The following NRCAM variants were observed in gnomAD, a reference collection of about 807,000 sequenced individuals.
NRCAM encodes the protein NgCAM-related cell adhesion molecule.
NRCAM carries 83 observed loss-of-function variants against 156.5 expected under a neutral mutation model. That is an observed-to-expected ratio of 0.53 (90% CI 0.44 to 0.64). NRCAM has a LOEUF of 0.64. Among genes scored for constraint, NRCAM ranks in the 30% least tolerant of loss-of-function variants. The pLI is 0.00. For missense variants in NRCAM, 1,417 were observed against 1,597.3 expected (o/e 0.89, Z 1.92); for synonymous variants, 538 against 563.9 (o/e 0.95, Z 0.65).
At chr7:108,389,992 A>T (rs1216646852) in intron 2 of NRCAM, among the ~76,000 whole-genome samples, 1 of 152,150 alleles carries the variant, frequency 6.6e-6, no homozygotes, top group Non-Finnish European at 1.5e-5. Context: ...ACCGACATTC[A>T]TCGGGGATAT....
rs557098472 is a variant in NRCAM at position 108,272,410 on chromosome 7, CTCACCA to C, written c.-106-32246_-106-32241del. ...CTCCTAAAGTAGGGGTTAGTGCAGGCTCACCATCATTTATCCAAAAGCTCTGAAAAA... is the reference window on the plus strand; with the variant it reads ...CTCCTAAAGTAGGGGTTAGTGCAGGCTCATTTATCCAAAAGCTCTGAAAAA... On this transcript the variant is annotated intron_variant, in intron 3 of 32. Coordinates refer to ENST00000379028, the MANE Select transcript of NRCAM (RefSeq NM_001037132.4). Among the ~76,000 whole-genome samples the C allele has an allele frequency of 2.2e-3, 336 of 152,272 alleles. 2 individuals carry two copies. Among genetic ancestry groups the C allele is most frequent in the African/African-American group, 7.9e-3 (327 of 41,546 alleles).
At chr7:108,440,700 G>A (rs1385936364) in intron 1 of NRCAM, among the ~76,000 whole-genome samples, 2 of 152,160 alleles carry the variant, frequency 1.3e-5, no homozygotes, top group Non-Finnish European at 2.9e-5. Context: ...GAGCAAAAAT[G>A]TTTAGTCACA....
chr7:108,318,578 T>TA lies in NRCAM; in HGVS notation c.-173-5848dup, dbSNP rs754448847. Reference sequence around the variant, plus strand: ...GAAGAGCACTTGGAATCTAGGTAAGTAACAAAGGATTCCAATCCTTGAGCA... The same window carrying TA: ...GAAGAGCACTTGGAATCTAGGTAAGTAAACAAAGGATTCCAATCCTTGAGCA... On this transcript the variant is annotated intron_variant, in intron 2 of 32. Coordinates refer to ENST00000379028, the MANE Select transcript of NRCAM (RefSeq NM_001037132.4). 9.2e-5 allele frequency among the ~76,000 whole-genome samples: 14 copies of TA among 152,236 alleles called. No homozygotes were observed. The South Asian group carries it at 2.9e-3, about 32-fold the overall frequency.
intron 3 of NRCAM, among the ~76,000 whole-genome samples, chr7:108,296,693 G>A (rs1592152779): frequency 6.6e-6 from 1 of 152,236 alleles, no homozygotes; most frequent in Admixed American, 6.5e-5. Flanking sequence ...TAAGAAACAT[G>A]TTGGCTTTAA....
chr7:108,312,986 T>C (rs2098824099), intron 2 of NRCAM, among the ~76,000 whole-genome samples: 3 of 152,234 alleles, frequency 2.0e-5, no homozygotes, highest in African/African-American at 7.2e-5. Context: ...GAATCACGTC[T>C]GATTCCTCTT....
chr7:108,183,026 A>G, intron 22 of NRCAM, 106 bp from the exon 23 acceptor site: 1 of 904,928 alleles, frequency 1.1e-6, no homozygotes, highest in Non-Finnish European at 1.7e-6. Context: ...TGATCATTGA[A>G]ATACTAAAAC....
intron 2 of NRCAM, chr7:108,313,109 G>T (rs2098826413): frequency 6.6e-6 from 1 of 152,034 alleles, no homozygotes; most frequent in South Asian, 2.1e-4. Flanking sequence ...TGGTAGCATA[G>T]AAATTTTTTA....
chr7:108,258,724 C>A (rs2153981323), intron 3 of NRCAM, among the ~76,000 whole-genome samples: 1 of 152,282 alleles, frequency 6.6e-6, no homozygotes, highest in Middle Eastern at 3.4e-3. Context: ...ATGGAATGAG[C>A]ATAGCGATGT....
chr7:108,215,485 G>A (rs754441491), intron 11 of NRCAM, among the ~76,000 whole-genome samples: 3 of 152,062 alleles, frequency 2.0e-5, no homozygotes, highest in Non-Finnish European at 4.4e-5. Flanking sequence ...AAAGTGCTGG[G>A]ATTACAAGCA....
At chr7:108,159,363 A>T in intron 32 of NRCAM, 100 bp downstream of exon 32, 1 of 1,009,056 alleles carries the variant, frequency 9.9e-7, no homozygotes, top group South Asian at 1.3e-5. Flanking sequence ...ATTTGAGGAA[A>T]ATATGAGATG....
rs1179653553 is a variant in NRCAM at position 108,150,008 on chromosome 7, T to C, written c.3817A>G (p.Ile1273Val). The change falls in exon 33 of 33, where the codon ATT becomes GTT. Residue 1273 changes from isoleucine (I) to valine (V), a missense_variant. By Grantham distance (29) the Ile-to-Val change is conservative. Around this residue, in one of 2 missense-constraint regions of NRCAM, gnomAD observed 179 missense variants for 260.9 expected, o/e 0.69. Coordinates refer to ENST00000379028, the MANE Select transcript of NRCAM (RefSeq NM_001037132.4). ...NGQFNEDGSF[I>V]GQYSGKKEKE... ...TCTTTCTTACCACTGTATTGTCCAA[T>C]AAAGGAGCCATCCTCATTGAACTGG... The C allele has an allele frequency of 6.2e-7, 1 of 1,613,972 alleles. No individual in the cohort carries two copies. The highest frequency in any genetic ancestry group is 1.3e-5 in the African/African-American group (1 of 74,922).
chr7:108,210,538 G>A (rs1362068768), intron 11 of NRCAM, among the ~76,000 whole-genome samples: 1 of 152,140 alleles, frequency 6.6e-6, no homozygotes, highest in African/African-American at 2.4e-5. Context: ...GAGCCACCGC[G>A]CCTGGTCCCA....
chr7:108,193,980 TAAAG>T, intron 17 of NRCAM, 40 bp downstream of exon 17: 4 of 1,594,870 alleles, frequency 2.5e-6, no homozygotes, highest in Non-Finnish European at 3.4e-6. Flanking sequence ...AAGAATAGCT[TAAAG>T]AAAGAATGAA....
chr7:108,190,179 TA>T (rs954949468), intron 19 of NRCAM, among the ~76,000 whole-genome samples: 70 of 152,174 alleles, frequency 4.6e-4, no homozygotes, highest in African/African-American at 1.2e-3. Flanking sequence ...ATGTTCTTTC[TA>T]AAAAAAATGC....
chr7:108,277,962 C>A (rs761196127), intron 3 of NRCAM, among the ~76,000 whole-genome samples: 2 of 152,156 alleles, frequency 1.3e-5, no homozygotes, highest in Non-Finnish European at 2.9e-5. Context: ...GCTATTGCTT[C>A]CTGTTTGTTA....
intron 11 of NRCAM, among the ~76,000 whole-genome samples, chr7:108,211,951 T>C (rs748658932): frequency 5.9e-5 from 9 of 152,108 alleles, no homozygotes; most frequent in African/African-American, 9.7e-5. Flanking sequence ...AGCACAAAAA[T>C]AGAACATTAA....
At chr7:108,255,228 A>T (rs1206020394) in intron 3 of NRCAM, among the ~76,000 whole-genome samples, 1 of 131,884 alleles carries the variant, frequency 7.6e-6, no homozygotes, top group Non-Finnish European at 1.6e-5. Context: ...CAGAGGCTGG[A>T]CTGTACTGCC....
intron 2 of NRCAM, among the ~76,000 whole-genome samples, chr7:108,327,501 G>A (rs1181620101): frequency 6.6e-6 from 1 of 152,100 alleles, no homozygotes; most frequent in Non-Finnish European, 1.5e-5. Flanking sequence ...GTCAGATAAT[G>A]AGTATTTTCA....
intron 13 of NRCAM, 47 bp from the exon 14 acceptor site, chr7:108,198,146 A>G (rs139090801): frequency 1.5e-5 from 23 of 1,502,336 alleles, no homozygotes; most frequent in African/African-American, 1.1e-4. Context: ...TTTGCTTAAA[A>G]GATGTATATT....
Sources: allele counts gnomAD v4.1 joint callset (sites outside exome capture counted in the v4.1 genomes callset), GRCh38; gene constraint gnomAD v4.1.1; regional missense constraint gnomAD v4.1.1; transcripts MANE v1.5; gene names NCBI Gene and HGNC (gene_info 2026-07-23, HGNC 2026-07-21).